RPSA2: variants seen among roughly 807,000 people sequenced by gnomAD.
The protein encoded by RPSA2 is small ribosomal subunit protein uS2B.
At chr19:23,857,730 C>T in the RPSA2 span, among the ~76,000 whole-genome samples, 1,294 of 152,006 alleles carry the variant, frequency 8.5e-3, 7 homozygotes, top group African/African-American at 0.013. Flanking sequence ...CTGCTGACCT[C>T]ATGATCCACC....
chr19:23,863,728 T>G, the RPSA2 span, among the ~76,000 whole-genome samples: 7 of 152,290 alleles, frequency 4.6e-5, no homozygotes, highest in African/African-American at 1.7e-4. Flanking sequence ...AAGCTGGACA[T>G]ATGAGCCCTT....
the RPSA2 span, among the ~76,000 whole-genome samples, chr19:23,774,835 C>A: frequency 2.0e-5 from 3 of 152,086 alleles, no homozygotes; most frequent in Non-Finnish European, 4.4e-5. Context: ...GACTGAGCAC[C>A]CAGGTTTTAA....
chr19:23,806,258 T>G, the RPSA2 span, among the ~76,000 whole-genome samples: 5 of 151,830 alleles, frequency 3.3e-5, no homozygotes, highest in East Asian at 9.8e-4. Flanking sequence ...TTGGTCAGGC[T>G]GGTCTCAAAC....
the RPSA2 span, chr19:23,758,941 C>G: frequency 1.5e-6 from 1 of 680,782 alleles, no homozygotes; most frequent in Non-Finnish European, 2.5e-6. Context: ...AGCTGCATGC[C>G]TGATTGGACA....
the RPSA2 span, among the ~76,000 whole-genome samples, chr19:23,838,545 T>G: frequency 6.6e-6 from 1 of 152,076 alleles, no homozygotes; most frequent in Non-Finnish European, 1.5e-5. Context: ...TGTTGGATTT[T>G]TTTTTGTTGG....
At chr19:23,767,614 T>C in the RPSA2 span, among the ~76,000 whole-genome samples, 3 of 152,040 alleles carry the variant, frequency 2.0e-5, no homozygotes, top group African/African-American at 4.8e-5. Context: ...CTGAGTAATT[T>C]AATAGGCAGG....
the RPSA2 span, among the ~76,000 whole-genome samples, chr19:23,840,735 A>G: frequency 6.6e-6 from 1 of 152,082 alleles, no homozygotes; most frequent in Non-Finnish European, 1.5e-5. Flanking sequence ...AGGTGGGCAG[A>G]TCACCTGAGG....
chr19:23,839,436 G>T, the RPSA2 span, among the ~76,000 whole-genome samples: 4 of 152,130 alleles, frequency 2.6e-5, no homozygotes, highest in Non-Finnish European at 5.9e-5. Flanking sequence ...AAACCAAAAG[G>T]CTGGTCTCAC....
At chr19:23,867,551 C>T in the RPSA2 span, among the ~76,000 whole-genome samples, 15 of 152,012 alleles carry the variant, frequency 9.9e-5, no homozygotes, top group Non-Finnish European at 1.5e-4. Flanking sequence ...AAGACTGGGG[C>T]CGGGTGCGGT....
the RPSA2 span, among the ~76,000 whole-genome samples, chr19:23,836,736 G>A: frequency 6.6e-6 from 1 of 152,044 alleles, no homozygotes; most frequent in Non-Finnish European, 1.5e-5. Flanking sequence ...GTATCGCATT[G>A]TGGTTTGATT....
chr19:23,854,241 C>T, the RPSA2 span, among the ~76,000 whole-genome samples: 6 of 152,290 alleles, frequency 3.9e-5, no homozygotes, highest in South Asian at 8.3e-4. Context: ...GATGCCCTAC[C>T]TAACACCAGG....
At chr19:23,859,742 T>A in the RPSA2 span, among the ~76,000 whole-genome samples, 1 of 152,232 alleles carries the variant, frequency 6.6e-6, no homozygotes, top group Non-Finnish European at 1.5e-5. Flanking sequence ...TAATCGTTTG[T>A]CCAAAATTAT....
the RPSA2 span, among the ~76,000 whole-genome samples, chr19:23,856,478 C>CAGACA: frequency 6.6e-6 from 1 of 151,442 alleles, no homozygotes; most frequent in Admixed American, 6.6e-5. Flanking sequence ...ATACTTACCC[C>CAGACA]AGACAATACA....
At chr19:23,811,889 CAGT>C in the RPSA2 span, among the ~76,000 whole-genome samples, 2 of 151,972 alleles carry the variant, frequency 1.3e-5, no homozygotes, top group Non-Finnish European at 2.9e-5. Context: ...AAAAAATTGT[CAGT>C]AGTTTCTTTT....
chr19:23,800,423 A>G, the RPSA2 span, among the ~76,000 whole-genome samples: 1 of 152,166 alleles, frequency 6.6e-6, no homozygotes. Flanking sequence ...CGGACATAAT[A>G]TAAACAAATA....
At chr19:23,851,849 C>A in the RPSA2 span, among the ~76,000 whole-genome samples, 1 of 152,112 alleles carries the variant, frequency 6.6e-6, no homozygotes, top group Non-Finnish European at 1.5e-5. Context: ...AAATGATTGT[C>A]AATAACGCTG....
the RPSA2 span, among the ~76,000 whole-genome samples, chr19:23,860,411 G>C: frequency 6.6e-6 from 1 of 152,082 alleles, no homozygotes; most frequent in Non-Finnish European, 1.5e-5. Context: ...ACTCCACATG[G>C]AAAAGCTGCA....
the RPSA2 span, among the ~76,000 whole-genome samples, chr19:23,836,660 G>A: frequency 5.3e-5 from 8 of 152,130 alleles, no homozygotes; most frequent in African/African-American, 1.4e-4. Flanking sequence ...TTTGATTGCT[G>A]CATCCATGCC....
At chr19:23,812,486 C>T in the RPSA2 span, among the ~76,000 whole-genome samples, 4 of 149,434 alleles carry the variant, frequency 2.7e-5, no homozygotes, top group Non-Finnish European at 5.9e-5. Context: ...ACCTCTGCCT[C>T]CAGGGTTCAA....
Sources: gnomAD v4.1 joint callset for allele counts (sites outside exome capture counted in the v4.1 genomes callset) on GRCh38, gnomAD v4.1.1 for gene constraint, MANE v1.5 for transcripts, NCBI Gene and HGNC (gene_info 2026-07-23, HGNC 2026-07-21) for gene names.